Variants in CEMIP observed in about 807,000 individuals in gnomAD.
CEMIP encodes cell migration-inducing and hyaluronan-binding protein.
A neutral mutation model predicts 156.9 loss-of-function variants in CEMIP; 105 were observed. The ratio of observed to expected loss-of-function variants is 0.67; its 90% CI spans 0.57 to 0.79. The LOEUF is 0.79. Ranked by LOEUF, CEMIP falls within the 30% of genes least tolerant of loss-of-function variation. The pLI, the probability that CEMIP is intolerant of heterozygous loss-of-function variation, is 0.00. For missense variants in CEMIP, 1,457 were observed against 1,769.4 expected (o/e 0.82, Z 3.17); for synonymous variants, 676 against 668.4 (o/e 1.01, Z -0.17).
intron 1 of CEMIP, among the ~76,000 whole-genome samples, chr15:80,873,050 C>T (rs572044469): frequency 6.6e-6 from 1 of 152,158 alleles, no homozygotes; most frequent in Non-Finnish European, 1.5e-5. Flanking sequence ...AGAAGAAAGT[C>T]TCTCTGTCCT....
At chr15:80,785,595 G>A (rs1385075777) in intron 1 of CEMIP, among the ~76,000 whole-genome samples, 2 of 152,212 alleles carry the variant, frequency 1.3e-5, no homozygotes, top group Non-Finnish European at 2.9e-5. Context: ...CCAGTCAGAA[G>A]CTGTCATACA....
At chr15:80,936,943 CA>C (rs1901150202) in intron 24 of CEMIP, 58 bp downstream of exon 24, 1 of 1,532,640 alleles carries the variant, frequency 6.5e-7, no homozygotes, top group Non-Finnish European at 9.0e-7. Context: ...TGCCTTGTTG[CA>C]AAGTCCTGGA....
intron 1 of CEMIP, among the ~76,000 whole-genome samples, chr15:80,858,002 A>G (rs1036771217): frequency 6.6e-6 from 1 of 152,188 alleles, no homozygotes; most frequent in Non-Finnish European, 1.5e-5. Context: ...CTTCAAGGAA[A>G]TGACAGAGAG....
At chr15:80,948,371 T>TA in intron 29 of CEMIP, 1 of 311,470 alleles carries the variant, frequency 3.2e-6, no homozygotes, top group African/African-American at 2.2e-5. Flanking sequence ...CACAGAGTGA[T>TA]AGAGTGGGGA....
intron 1 of CEMIP, among the ~76,000 whole-genome samples, chr15:80,860,904 T>C (rs1469321300): frequency 1.3e-5 from 2 of 152,048 alleles, no homozygotes; most frequent in Non-Finnish European, 2.9e-5. Context: ...TCCCAGGGCA[T>C]CTCCTAACCC....
At chr15:80,874,113 C>A (rs1898391170) in intron 3 of CEMIP, 140 bp downstream of exon 3, 1 of 759,436 alleles carries the variant, frequency 1.3e-6, no homozygotes. Flanking sequence ...CCCGACCTTA[C>A]TAAACTCCTT....
chr15:80,884,690 CTCTT>C (rs940113383), intron 7 of CEMIP, among the ~76,000 whole-genome samples: 1 of 152,228 alleles, frequency 6.6e-6, no homozygotes, highest in African/African-American at 2.4e-5. Flanking sequence ...TATTCATTTT[CTCTT>C]TCTTTGGTAA....
chr15:80,902,936 C>A (rs565630059), intron 12 of CEMIP, among the ~76,000 whole-genome samples: 4 of 152,272 alleles, frequency 2.6e-5, no homozygotes, highest in South Asian at 2.1e-4. Flanking sequence ...TCACAGCCAA[C>A]TTTTGAGGTA....
intron 1 of CEMIP, among the ~76,000 whole-genome samples, chr15:80,836,191 G>T (rs1372483469): frequency 6.6e-6 from 1 of 151,130 alleles, no homozygotes; most frequent in African/African-American, 2.4e-5. Flanking sequence ...TTAAAATTCT[G>T]GTAAAGCCTT....
At chr15:80,942,379 G>T in intron 27 of CEMIP, 42 bp downstream of exon 27, 1 of 1,512,128 alleles carries the variant, frequency 6.6e-7, no homozygotes, top group South Asian at 1.1e-5. Flanking sequence ...TTTGCTCATT[G>T]AGAGGTGATA....
chr15:80,950,275 A>C lies in CEMIP; in HGVS notation c.*1351A>C, dbSNP rs1901761179. 6.6e-6 allele frequency: 1 copy of C among 152,320 alleles called. No homozygotes were observed. The highest frequency in any genetic ancestry group is 1.5e-5 in the Non-Finnish European group (1 of 68,118). 9.4% of individuals were successfully genotyped at this position (152,320 alleles called of 1,614,324 possible). ...CAAGATGGGAAAGAACCACACAGCTAAGGGAGGGCCTGGGGAGCCCCACCC... is the reference window on the plus strand; with the variant it reads ...CAAGATGGGAAAGAACCACACAGCTCAGGGAGGGCCTGGGGAGCCCCACCC... On this transcript the variant is annotated 3_prime_UTR_variant, in exon 30 of 30. Coordinates refer to ENST00000394685, the MANE Select transcript of CEMIP (RefSeq NM_001293298.2).
intron 1 of CEMIP, among the ~76,000 whole-genome samples, chr15:80,844,038 C>A (rs1897494255): frequency 6.6e-6 from 1 of 152,264 alleles, no homozygotes; most frequent in Non-Finnish European, 1.5e-5. Context: ...AGATCCTTCA[C>A]TCTCCATGGG....
At chr15:80,847,140 C>T (rs1035589670) in intron 1 of CEMIP, among the ~76,000 whole-genome samples, 4 of 152,152 alleles carry the variant, frequency 2.6e-5, no homozygotes, top group Non-Finnish European at 5.9e-5. Context: ...CCTTGACCTC[C>T]CCAGCTCAAG....
At chr15:80,858,696 G>A (rs1028929316) in intron 1 of CEMIP, among the ~76,000 whole-genome samples, 4 of 151,994 alleles carry the variant, frequency 2.6e-5, no homozygotes, top group African/African-American at 9.7e-5. Flanking sequence ...TTGCACTCCA[G>A]CCTGAGCAAC....
In CEMIP at chr15:80,922,039, G is replaced by A. The variant is rs773319569; in HGVS notation, c.2104G>A (p.Val702Ile). The change falls in exon 17 of 30, where the codon GTA becomes ATA. Residue 702 changes from valine (V) to isoleucine (I), a missense_variant. This residue lies in a region of CEMIP where 798 missense variants were observed against 980.1 expected (regional missense o/e 0.81). Coordinates refer to ENST00000394685, the MANE Select transcript of CEMIP (RefSeq NM_001293298.2). ...TGGATTTTGGTTTATTTTTCACCAC[G>A]TACCAACGGGCCCCTCCGTGGGAAT... ...ETGFWFIFHH[V>I]PTGPSVGMYS... 1.1e-5 allele frequency: 18 copies of A among 1,614,190 alleles called. No homozygotes were observed. The highest frequency in any genetic ancestry group is 1.7e-4 in the Middle Eastern group (1 of 6,058).
chr15:80,798,405 A>C (rs990187642), intron 1 of CEMIP, among the ~76,000 whole-genome samples: 1 of 152,022 alleles, frequency 6.6e-6, no homozygotes, highest in Non-Finnish European at 1.5e-5. Context: ...GTTTTTTCCC[A>C]AGTTTTGCTG....
chr15:80,818,410 T>G (rs1896836804), intron 1 of CEMIP, among the ~76,000 whole-genome samples: 1 of 152,216 alleles, frequency 6.6e-6, no homozygotes, highest in Non-Finnish European at 1.5e-5. Context: ...AAGTGCAAAC[T>G]TATCATGGGC....
intron 10 of CEMIP, among the ~76,000 whole-genome samples, chr15:80,891,412 T>TA (rs1236093127): frequency 1.3e-5 from 2 of 152,238 alleles, no homozygotes; most frequent in African/African-American, 4.8e-5. Flanking sequence ...CTACACTCTA[T>TA]AACTGTTAGT....
chr15:80,945,920 G>C (rs760393031), intron 28 of CEMIP, among the ~76,000 whole-genome samples: 1 of 152,156 alleles, frequency 6.6e-6, no homozygotes. Flanking sequence ...TTCCCAAGTC[G>C]AACTTTTGCA....
Sources: allele counts gnomAD v4.1 joint callset (sites outside exome capture counted in the v4.1 genomes callset), GRCh38; gene constraint gnomAD v4.1.1; regional missense constraint gnomAD v4.1.1; transcripts MANE v1.5; gene names NCBI Gene and HGNC (gene_info 2026-07-23, HGNC 2026-07-21).